RBFOX1: variants seen among roughly 807,000 people sequenced by gnomAD.
The protein encoded by RBFOX1 is RNA binding fox-1 homolog 1, also known as RNA binding protein fox-1 homolog 1.
A neutral mutation model predicts 57.7 loss-of-function variants in RBFOX1; 8 were observed. The observed-to-expected ratio is 0.14, with a 90% CI of 0.08 to 0.25. RBFOX1 has a LOEUF of 0.25. RBFOX1 is among the 10% of genes least tolerant of loss of function. The pLI, the probability that RBFOX1 is intolerant of heterozygous loss-of-function variation, is 1.00. For missense variants in RBFOX1, 611 were observed against 548.5 expected, an observed-to-expected ratio of 1.11 and a Z score of -1.14; for synonymous variants, 326 against 222.4, an observed-to-expected ratio of 1.47 and a Z score of -4.15.
chr16:5,330,458 A>T (rs1025663256), intron 1 of RBFOX1, among the ~76,000 whole-genome samples: 2 of 152,160 alleles, frequency 1.3e-5, no homozygotes, highest in African/African-American at 4.8e-5. Context: ...GCTGGAGTGC[A>T]ATGGCATGAC....
Position 5,636,153 on chromosome 16 carries a change from G to T in RBFOX1, c.318+37192G>T, listed in dbSNP as rs1253997247. Among the ~76,000 whole-genome samples the T allele has an allele frequency of 2.0e-5, 3 of 152,128 alleles. 1 individual carries two copies. Among genetic ancestry groups the T allele is most frequent in the South Asian group, 4.1e-4 (2 of 4,820 alleles). On this transcript the variant is annotated intron_variant, in intron 3 of 19. Coordinates refer to the RBFOX1 transcript ENST00000641259. Reference sequence around the variant, plus strand: ...ACCTGAGGTCAGGAGTTCGAGACCAGCCTGACCAACATGGTGAAACCCCAT... The same window carrying T: ...ACCTGAGGTCAGGAGTTCGAGACCATCCTGACCAACATGGTGAAACCCCAT...
chr16:6,037,618 G>A lies in RBFOX1; in HGVS notation c.-127+17626G>A, dbSNP rs377155454. 8 of 150,128 alleles carry A rather than the reference G, an allele frequency of 5.3e-5. No individual in the cohort carries two copies. The South Asian group carries it at 1.5e-3, about 28-fold the overall frequency. 9.3% of individuals were successfully genotyped at this position (150,128 alleles called of 1,614,324 possible). A position where few individuals can be genotyped will look rare whatever the true frequency, so the allele number is the denominator to read the frequency against. Reference sequence around the variant, plus strand: ...TGTTTTATTTTTTGTTTTTGGAGACGGAATCTCGCTCTGTCGCCCAAGCTG... The same window carrying A: ...TGTTTTATTTTTTGTTTTTGGAGACAGAATCTCGCTCTGTCGCCCAAGCTG... On this transcript the variant is annotated intron_variant, in intron 1 of 15. Transcript: ENST00000550418.
At chr16:7,131,594 T>C (rs567277278) in intron 4 of RBFOX1, among the ~76,000 whole-genome samples, 1 of 151,956 alleles carries the variant, frequency 6.6e-6, no homozygotes, top group Admixed American at 6.5e-5. Flanking sequence ...CTCTGAACAC[T>C]GCAGTCTTTC....
intron 5 of RBFOX1, among the ~76,000 whole-genome samples, chr16:7,563,862 C>G (rs1190848252): frequency 6.6e-6 from 1 of 152,096 alleles, no homozygotes; most frequent in Non-Finnish European, 1.5e-5. Context: ...TCTTGTCATT[C>G]CACTTTCTGA....
intron 1 of RBFOX1, among the ~76,000 whole-genome samples, chr16:6,094,291 C>A (rs924429664): frequency 1.3e-5 from 2 of 152,162 alleles, no homozygotes; most frequent in African/African-American, 4.8e-5. Context: ...GGAAGAGAGA[C>A]CATTGGGGAA....
upstream of RBFOX1, among the ~76,000 whole-genome samples, chr16:6,018,180 G>C (rs1299424277): frequency 4.2e-5 from 6 of 143,056 alleles, no homozygotes; most frequent in African/African-American, 7.9e-5. Flanking sequence ...AAGGAAGGGA[G>C]GAAAGGAGGA....
chr16:6,743,610 G>T (rs2072845559), intron 3 of RBFOX1, among the ~76,000 whole-genome samples: 2 of 151,724 alleles, frequency 1.3e-5, no homozygotes, highest in Admixed American at 1.3e-4. Flanking sequence ...GAGCATGGTG[G>T]TGCATGTCTG....
chr16:6,706,554 G>A (rs990511999), intron 3 of RBFOX1, among the ~76,000 whole-genome samples: 1 of 152,156 alleles, frequency 6.6e-6, no homozygotes, highest in African/African-American at 2.4e-5. Flanking sequence ...GGACAAAACA[G>A]ATTTACCTGT....
At chr16:6,632,344 A>G (rs1444061013) in intron 2 of RBFOX1, among the ~76,000 whole-genome samples, 2 of 152,158 alleles carry the variant, frequency 1.3e-5, no homozygotes, top group Non-Finnish European at 2.9e-5. Context: ...AAAGAAAAAA[A>G]AAAAAGGTCT....
intron 1 of RBFOX1, among the ~76,000 whole-genome samples, chr16:6,051,207 C>T (rs189208431): frequency 6.0e-4 from 91 of 151,870 alleles, no homozygotes; most frequent in Non-Finnish European, 1.1e-3. Context: ...AGAGGTGTCC[C>T]ATGAATCTTA....
intron 2 of RBFOX1, among the ~76,000 whole-genome samples, chr16:5,565,852 C>A (rs918593186): frequency 1.3e-5 from 2 of 151,900 alleles, no homozygotes; most frequent in Non-Finnish European, 2.9e-5. Context: ...TATGGTTTGG[C>A]TGCGTCCCTA....
rs150104288 is a variant in RBFOX1 at position 6,863,343 on chromosome 16, A to T, written c.-15-188714A>T. Among the ~76,000 whole-genome samples, 4 of 152,218 alleles carry T rather than the reference A, an allele frequency of 2.6e-5. No homozygotes were observed. In the East Asian group the frequency reaches 7.8e-4, roughly 30 times the overall value. On this transcript the variant is annotated intron_variant, in intron 3 of 15. Coordinates refer to ENST00000550418, the MANE Select transcript of RBFOX1 (RefSeq NM_018723.4). The stretch of plus-strand genomic sequence containing the variant: ...AATGGGTAGAGACAAAACGTGGCTC[A>T]CCAGGAGGGTGGTGACTCACTAATC...
chr16:7,052,242 A>G (rs1189528890), intron 4 of RBFOX1, 144 bp downstream of exon 4: 2 of 1,308,336 alleles, frequency 1.5e-6, no homozygotes, highest in Non-Finnish European at 2.0e-6. Flanking sequence ...ATCCCAGCTT[A>G]TTTAGTATTG....
chr16:6,764,818 T>G (rs1347988955), intron 3 of RBFOX1, among the ~76,000 whole-genome samples: 2 of 151,994 alleles, frequency 1.3e-5, no homozygotes, highest in African/African-American at 4.8e-5. Flanking sequence ...GTGCCTGTAA[T>G]CCTAGCTACT....
intron 2 of RBFOX1, among the ~76,000 whole-genome samples, chr16:6,489,601 A>G (rs1362930073): frequency 6.6e-6 from 1 of 152,154 alleles, no homozygotes; most frequent in Non-Finnish European, 1.5e-5. Context: ...ACAGAAGCCT[A>G]AGCGTTGAGG....
chr16:7,152,188 G>A (rs2076235394), intron 4 of RBFOX1, among the ~76,000 whole-genome samples: 1 of 152,188 alleles, frequency 6.6e-6, no homozygotes, highest in Non-Finnish European at 1.5e-5. Context: ...GGAGTTAGAA[G>A]GAGAGTGAAT....
At chr16:6,871,977 T>G (rs1367795747) in intron 3 of RBFOX1, among the ~76,000 whole-genome samples, 1 of 147,710 alleles carries the variant, frequency 6.8e-6, no homozygotes, top group African/African-American at 2.5e-5. Context: ...CTCGGTAGAG[T>G]ATGGGGATCT....
At chr16:6,517,521 A>C (rs1285357632) in intron 2 of RBFOX1, among the ~76,000 whole-genome samples, 1 of 152,018 alleles carries the variant, frequency 6.6e-6, no homozygotes, top group Non-Finnish European at 1.5e-5. Context: ...GCACTTCTCC[A>C]CCTACACTGC....
chr16:6,507,533 A>G lies in RBFOX1; in HGVS notation c.-63-147070A>G, dbSNP rs951731197. Among the ~76,000 whole-genome samples, 92 of 136,232 alleles carry G rather than the reference A, an allele frequency of 6.8e-4. 2 individuals are homozygous for G. The highest frequency in any genetic ancestry group is 2.4e-3 in the African/African-American group (91 of 37,568). The allele number at this position is 136,232 out of a possible 152,430, so 89.4% of individuals were successfully genotyped here. A position where few individuals can be genotyped will look rare whatever the true frequency, so the allele number is the denominator to read the frequency against. On this transcript the variant is annotated intron_variant, in intron 2 of 15. Transcript: ENST00000550418. ...AAAAAAAAAAAAAAAAAAGCCTGGC[A>G]TAGTGGCACACACTTGTAGTTCCAG...
Sources: allele counts gnomAD v4.1 joint callset (sites outside exome capture counted in the v4.1 genomes callset), GRCh38; gene constraint gnomAD v4.1.1; transcripts MANE v1.5; gene names NCBI Gene and HGNC (gene_info 2026-07-23, HGNC 2026-07-21).